Variants in PRKN observed in about 807,000 individuals in gnomAD.
PRKN encodes the protein parkin RBR E3 ubiquitin protein ligase, also known as E3 ubiquitin-protein ligase parkin.
In PRKN, 56 loss-of-function variants were observed where a neutral mutation model predicts 59.5. That is an observed-to-expected ratio of 0.94 (90% CI 0.76 to 1.18). PRKN has a LOEUF of 1.18. PRKN is among the 50% of genes most tolerant of loss of function. The pLI is 0.00. For missense variants in PRKN, 657 were observed against 596.4 expected (o/e 1.10, Z -1.06); for synonymous variants, 250 against 222.1 (o/e 1.13, Z -1.12).
chr6:161,457,416 A>G lies in PRKN; in HGVS notation c.1084-70539T>C, dbSNP rs1185532730. The stretch of plus-strand genomic sequence containing the variant: ...CATCAAATAAAAAAGCTACTACTTT[A>G]ATAGAAATTACCTCTTCTAATTGCC... On this transcript the variant is annotated intron_variant, in intron 9 of 11. Coordinates refer to ENST00000366898, the MANE Select transcript of PRKN (RefSeq NM_004562.3). The surrounding 1 kb of genome is among the most constrained non-coding windows in gnomAD (Gnocchi z 5.0). Among the ~76,000 whole-genome samples the G allele has an allele frequency of 6.6e-6, 1 of 152,254 alleles. No individual in the cohort carries two copies. Among genetic ancestry groups the G allele is most frequent in the East Asian group, 1.9e-4 (1 of 5,202 alleles).
At chr6:162,160,475 A>AC in intron 4 of PRKN, among the ~76,000 whole-genome samples, 1 of 152,316 alleles carries the variant, frequency 6.6e-6, no homozygotes, top group Non-Finnish European at 1.5e-5. Context: ...GTTCATTATG[A>AC]TAGCAGTGAT....
intron 1 of PRKN, among the ~76,000 whole-genome samples, chr6:162,697,879 T>G (rs1321094821): frequency 6.6e-6 from 1 of 152,208 alleles, no homozygotes; most frequent in East Asian, 1.9e-4. Context: ...TCTTAACATA[T>G]TCAATTGGAT....
intron 1 of PRKN, among the ~76,000 whole-genome samples, chr6:162,530,137 TAAAA>T (rs34337550): frequency 5.0e-5 from 6 of 120,896 alleles, no homozygotes; most frequent in Admixed American, 8.4e-5. Context: ...TCAGTCTCAA[TAAAA>T]AAAAAAAAAA....
chr6:161,688,428 C>T (rs1785649219), intron 7 of PRKN, among the ~76,000 whole-genome samples: 1 of 152,172 alleles, frequency 6.6e-6, no homozygotes. Flanking sequence ...GCAACGGGTT[C>T]CATTAAAAAG....
intron 5 of PRKN, among the ~76,000 whole-genome samples, chr6:162,051,685 C>A (rs778099266): frequency 6.6e-6 from 1 of 152,130 alleles, no homozygotes; most frequent in Admixed American, 6.5e-5. Context: ...TGAGTTGTCA[C>A]CCCCAGGGCT....
chr6:162,296,131 T>C (rs1781663419), intron 2 of PRKN, among the ~76,000 whole-genome samples: 1 of 151,526 alleles, frequency 6.6e-6, no homozygotes, highest in South Asian at 2.1e-4. Context: ...GGACAGTAAA[T>C]GGGTAAAAAG....
At chr6:162,556,745 CA>C (rs58924466) in intron 1 of PRKN, among the ~76,000 whole-genome samples, 59 of 91,074 alleles carry the variant, frequency 6.5e-4, no homozygotes, top group South Asian at 1.3e-3. Flanking sequence ...GACTCCATCT[CA>C]AAAAAAAAAA....
At chr6:162,627,487 A>G (rs1782941621) in intron 1 of PRKN, among the ~76,000 whole-genome samples, 1 of 152,140 alleles carries the variant, frequency 6.6e-6, no homozygotes. Flanking sequence ...TGGCTTGTAA[A>G]CAGGAGACTG....
chr6:161,405,319 T>TGTAATCTCA lies in PRKN; in HGVS notation c.1084-18451_1084-18443dup, dbSNP rs1787215174. Among the ~76,000 whole-genome samples the TGTAATCTCA allele has an allele frequency of 1.3e-5, 2 of 152,140 alleles. No individual in the cohort carries two copies. Among genetic ancestry groups the TGTAATCTCA allele is most frequent in the Admixed American group, 1.3e-4 (2 of 15,266 alleles). ...CTGACTGGGCATGGTGGCTCATGCCTGTAATCTCAGCACTTTGGGAGGCTG... is the reference window on the plus strand; with the variant it reads ...CTGACTGGGCATGGTGGCTCATGCCTGTAATCTCAGTAATCTCAGCACTTTGGGAGGCTG... On this transcript the variant is annotated intron_variant, in intron 9 of 11. Transcript: ENST00000366898. This position sits in a 1 kb window ranked among gnomAD's most constrained non-coding sequence, Gnocchi z 5.1.
chr6:161,568,943 G>T (rs558077303), intron 8 of PRKN, among the ~76,000 whole-genome samples: 1 of 147,346 alleles, frequency 6.8e-6, no homozygotes, highest in Admixed American at 6.8e-5. Flanking sequence ...ATGAAATACA[G>T]ATAACAAACA....
chr6:162,619,144 C>CTTT (rs144005690), intron 1 of PRKN, among the ~76,000 whole-genome samples: 3 of 132,184 alleles, frequency 2.3e-5, no homozygotes, highest in South Asian at 2.4e-4. Flanking sequence ...AGTATTTTTC[C>CTTT]TTTTTTTTTT....
intron 6 of PRKN, among the ~76,000 whole-genome samples, chr6:161,915,171 A>T (rs1392923680): frequency 6.6e-6 from 1 of 152,112 alleles, no homozygotes; most frequent in East Asian, 1.9e-4. Context: ...CTGTAGTCCC[A>T]GCTACTTGGG....
chr6:162,117,676 A>T (rs1780732035), intron 4 of PRKN, among the ~76,000 whole-genome samples: 1 of 152,216 alleles, frequency 6.6e-6, no homozygotes, highest in Non-Finnish European at 1.5e-5. Flanking sequence ...CAGCCTCAAG[A>T]TGGAATCCCA....
intron 1 of PRKN, among the ~76,000 whole-genome samples, chr6:162,561,601 T>A (rs1779848740): frequency 6.6e-6 from 1 of 152,144 alleles, no homozygotes; most frequent in South Asian, 2.1e-4. Context: ...CCGTCCTGAA[T>A]CTGCTGACAC....
chr6:162,385,665 C>T (rs1786762703), intron 2 of PRKN, among the ~76,000 whole-genome samples: 2 of 152,052 alleles, frequency 1.3e-5, no homozygotes, highest in South Asian at 4.1e-4. Flanking sequence ...TTCCTGTGCT[C>T]ATTACTGAGT....
intron 1 of PRKN, among the ~76,000 whole-genome samples, chr6:162,559,232 TATAG>T (rs1344958046): frequency 6.6e-6 from 1 of 150,840 alleles, no homozygotes; most frequent in East Asian, 2.0e-4. Context: ...GGAAATTCAC[TATAG>T]AGAGAATGAA....
chr6:161,631,284 C>A (rs1783299130), intron 7 of PRKN, among the ~76,000 whole-genome samples: 1 of 152,192 alleles, frequency 6.6e-6, no homozygotes, highest in Non-Finnish European at 1.5e-5. Context: ...GAAACAAATT[C>A]TTTACCAAGC....
chr6:162,148,995 T>C (rs1481557608), intron 4 of PRKN, among the ~76,000 whole-genome samples: 1 of 150,810 alleles, frequency 6.6e-6, no homozygotes, highest in African/African-American at 2.5e-5. Flanking sequence ...CAGATTCTTC[T>C]CATTCATTCA....
intron 3 of PRKN, among the ~76,000 whole-genome samples, chr6:162,213,633 G>T (rs760924447): frequency 6.6e-6 from 1 of 152,100 alleles, no homozygotes; most frequent in Admixed American, 6.5e-5. Context: ...TAGCTAGGAG[G>T]CTGAGGTGGG....
Sources: gnomAD v4.1 joint callset for allele counts (sites outside exome capture counted in the v4.1 genomes callset) on GRCh38, gnomAD v4.1.1 for gene constraint, Gnocchi (gnomAD v3.1) non-coding constraint, MANE v1.5 for transcripts, NCBI Gene and HGNC (gene_info 2026-07-23, HGNC 2026-07-21) for gene names.